ZNF486: variants seen among roughly 807,000 people sequenced by gnomAD.
ZNF486 encodes the protein zinc finger protein 486, also known as KRAB box only protein 2.
Under a neutral mutation model 12.8 loss-of-function variants are expected in ZNF486, and 12 were observed. That is an observed-to-expected ratio of 0.94 (90% CI 0.60 to 1.52). ZNF486 has a LOEUF of 1.52. ZNF486 is among the 40% of genes most tolerant of loss of function. The probability of loss-of-function intolerance (pLI) is 0.00; values close to 1 mark genes in which losing one functional copy is unlikely to be tolerated. For missense variants in ZNF486, 738 were observed against 545.0 expected, an observed-to-expected ratio of 1.35 and a Z score of -3.53; for synonymous variants, 231 against 184.9, an observed-to-expected ratio of 1.25 and a Z score of -2.02.
intron 2 of ZNF486, among the ~76,000 whole-genome samples, chr19:20,185,004 C>T (rs1386161565): frequency 2.6e-5 from 4 of 152,044 alleles, no homozygotes; most frequent in South Asian, 2.1e-4. Context: ...CCAGCTACTC[C>T]GGAGGCTGAG....
chr19:20,175,072 C>A (rs2089690635), intron 1 of ZNF486: 1 of 152,164 alleles, frequency 6.6e-6, no homozygotes, highest in African/African-American at 2.4e-5. Flanking sequence ...CATTCAATGG[C>A]TAGGAGATGA....
In ZNF486 at chr19:20,197,744, C is replaced by G; in HGVS notation, c.1034C>G (p.Thr345Arg). The G allele has an allele frequency of 1.9e-6, 3 of 1,613,442 alleles. No individual in the cohort carries two copies. Among genetic ancestry groups the G allele is most frequent in the Non-Finnish European group, 2.5e-6 (3 of 1,179,850 alleles). Residue 345 changes from threonine to arginine, a missense_variant, in exon 4 of 4, where the codon ACG (threonine) becomes AGG (arginine). By Grantham distance (71) the Thr-to-Arg change is moderately conservative. Transcript: ENST00000335117. Reference protein sequence around the residue: ...SILSKHEKIHTGEKPYKCEEC... With the variant: ...SILSKHEKIHRGEKPYKCEEC... Reference sequence around the variant, plus strand: ...CTTAGTAAACATGAGAAGATTCATACGGGAGAGAAACCCTACAAATGTGAA... The same window carrying G: ...CTTAGTAAACATGAGAAGATTCATAGGGGAGAGAAACCCTACAAATGTGAA...
rs549957994 is a variant in ZNF486, at chr19:20,181,620, G to T, written c.31-2736G>T. On this transcript the variant is annotated intron_variant, in intron 1 of 3. Transcript: ENST00000335117. ...AAATTTTCTGTTAAAGCCAGTGTTT[G>T]CAGAGACATTCTATTTAGCAACTTG... is the stretch of plus-strand genomic sequence containing the variant. 2.0e-5 allele frequency among the ~76,000 whole-genome samples: 3 copies of T among 151,762 alleles called. No individual in the cohort carries two copies. In the East Asian group the frequency reaches 5.8e-4, roughly 29 times the overall value.
intron 1 of ZNF486, among the ~76,000 whole-genome samples, chr19:20,177,728 C>A (rs968774234): frequency 2.0e-5 from 3 of 152,134 alleles, no homozygotes; most frequent in Non-Finnish European, 4.4e-5. Flanking sequence ...GCATGTGCCA[C>A]CATGCCTGGT....
rs149849126 is a variant in ZNF486 at position 20,190,945 on chromosome 19, T to G, written c.253+4863T>G. On this transcript the variant is annotated intron_variant, in intron 3 of 3. Coordinates refer to ENST00000335117, the MANE Select transcript of ZNF486 (RefSeq NM_052852.4). The stretch of plus-strand genomic sequence containing the variant: ...TTCTCATGAACGGCATGGTACATCC[T>G]CTTGGTAACCAAAACTTTACACTCT... Among the ~76,000 whole-genome samples, 395 of 152,354 alleles carry G rather than the reference T, an allele frequency of 2.6e-3. 1 individual carries two copies. The highest frequency in any genetic ancestry group is 4.1e-3 in the Non-Finnish European group (280 of 68,034).
intron 1 of ZNF486, among the ~76,000 whole-genome samples, chr19:20,175,826 C>G (rs1298033736): frequency 1.3e-5 from 2 of 152,334 alleles, no homozygotes; most frequent in African/African-American, 4.8e-5. Context: ...CATCATGGCC[C>G]GTTCTCAATG....
chr19:20,194,765 G>T (rs781999037), intron 3 of ZNF486, among the ~76,000 whole-genome samples: 2 of 151,922 alleles, frequency 1.3e-5, no homozygotes, highest in Non-Finnish European at 2.9e-5. Context: ...ATGAGACTAT[G>T]CTTATAAATG....
At chr19:20,172,076 C>T (rs781793302) in intron 1 of ZNF486, among the ~76,000 whole-genome samples, 1 of 151,952 alleles carries the variant, frequency 6.6e-6, no homozygotes, top group Non-Finnish European at 1.5e-5. Flanking sequence ...GCAACCTCGG[C>T]TCACCACAAC....
At chr19:20,185,501 C>G (rs1407216262) in intron 2 of ZNF486, among the ~76,000 whole-genome samples, 1 of 146,612 alleles carries the variant, frequency 6.8e-6, no homozygotes, top group African/African-American at 2.5e-5. Flanking sequence ...ACCTCTGCCT[C>G]CTGGGTTCAA....
At position 20,200,039 on chromosome 19, in the gene ZNF486, A is replaced by G. The variant is rs2058852790; in HGVS notation, c.*1937A>G. 6.6e-6 allele frequency: 1 copy of G among 151,822 alleles called. No individual in the cohort carries two copies. The highest frequency in any genetic ancestry group is 2.1e-4 in the South Asian group (1 of 4,808). The allele number at this position is 151,822 out of a possible 1,614,324, so 9.4% of individuals were successfully genotyped here. ...GGTTGCAGTGAGCCGAGGTTGCACCATTGTCCAGCCTGGGCAACAGAGCAA... is the reference window on the plus strand; with the variant it reads ...GGTTGCAGTGAGCCGAGGTTGCACCGTTGTCCAGCCTGGGCAACAGAGCAA... On this transcript the variant is annotated 3_prime_UTR_variant, in exon 4 of 4. Coordinates refer to ENST00000335117, the MANE Select transcript of ZNF486 (RefSeq NM_052852.4).
chr19:20,179,350 G>C (rs1718688170), intron 1 of ZNF486, among the ~76,000 whole-genome samples: 1 of 152,190 alleles, frequency 6.6e-6, no homozygotes, highest in South Asian at 2.1e-4. Context: ...TCCCTGTCTT[G>C]TCTTGACATA....
Position 20,197,371 on chromosome 19 carries a change from C to T in ZNF486, c.661C>T (p.Arg221Trp), listed in dbSNP as rs370253749. The T allele has an allele frequency of 8.9e-5, 143 of 1,611,444 alleles. 1 individual carries two copies. The highest frequency in any genetic ancestry group is 6.5e-4 in the Admixed American group (39 of 59,734). Residue 221 changes from arginine (R) to tryptophan (W), a missense_variant, in exon 4 of 4, where the codon CGG (arginine) becomes TGG (tryptophan). Physicochemically the swap from Arg to Trp is moderately radical, Grantham distance 101 (BLOSUM62 -3). Transcript: ENST00000335117. ...KCEECGKAFNRSSHLTTHKIT... is the reference protein window; with the variant it reads ...KCEECGKAFNWSSHLTTHKIT... ...TGAAGAATGTGGCAAAGCCTTCAACCGGTCCTCACACCTTACTACACATAA... is the reference window on the plus strand; with the variant it reads ...TGAAGAATGTGGCAAAGCCTTCAACTGGTCCTCACACCTTACTACACATAA...
intron 3 of ZNF486, among the ~76,000 whole-genome samples, chr19:20,186,719 A>G (rs2089850830): frequency 6.6e-6 from 1 of 151,400 alleles, no homozygotes; most frequent in Non-Finnish European, 1.5e-5. Flanking sequence ...TATTGAATCT[A>G]TAGATCACTC....
intron 3 of ZNF486, among the ~76,000 whole-genome samples, chr19:20,193,540 A>C (rs1315132226): frequency 2.0e-5 from 3 of 152,108 alleles, no homozygotes; most frequent in African/African-American, 7.2e-5. Context: ...AGGTGCCTAT[A>C]ATCCCAGCTC....
chr19:20,186,784 G>GTTTTTTTTTTTTTT lies in ZNF486; in HGVS notation c.253+706_253+719dup, dbSNP rs57907168. On this transcript the variant is annotated intron_variant, in intron 3 of 3. Coordinates refer to ENST00000335117, the MANE Select transcript of ZNF486 (RefSeq NM_052852.4). ...TGGATCTTCTCTAATATTTTCATAGGTTTTTTTTTTTTTTTTTGAGAAGGA... is the reference window on the plus strand; with the variant it reads ...TGGATCTTCTCTAATATTTTCATAGGTTTTTTTTTTTTTTTTTTTTTTTTTTTTTTTGAGAAGGA... Among the ~76,000 whole-genome samples the GTTTTTTTTTTTTTT allele has an allele frequency of 3.4e-4, 42 of 122,458 alleles. 2 individuals are homozygous for GTTTTTTTTTTTTTT. The highest frequency in any genetic ancestry group is 9.4e-4 in the African/African-American group (29 of 30,688). 80.3% of individuals were successfully genotyped at this position (122,458 alleles called of 152,430 possible). A position where few individuals can be genotyped will look rare whatever the true frequency, so the allele number is the denominator to read the frequency against.
chr19:20,172,894 G>A (rs190791548), intron 1 of ZNF486, among the ~76,000 whole-genome samples: 15 of 152,250 alleles, frequency 9.9e-5, no homozygotes, highest in Admixed American at 2.6e-4. Context: ...ACCCGCCTTG[G>A]CCTCCCAAAG....
intron 2 of ZNF486, among the ~76,000 whole-genome samples, chr19:20,185,412 T>TTTTTTG (rs2089831641): frequency 7.3e-6 from 1 of 136,830 alleles, no homozygotes; most frequent in African/African-American, 2.8e-5. Flanking sequence ...ATGTTTTTTT[T>TTTTTTG]TTTTTTTTTT....
At position 20,197,674 on chromosome 19, in the gene ZNF486, T is replaced by A; in HGVS notation, c.964T>A (p.Tyr322Asn). 6.2e-7 allele frequency: 1 copy of A among 1,613,818 alleles called. No individual in the cohort carries two copies. The highest frequency in any genetic ancestry group is 8.5e-7 in the Non-Finnish European group (1 of 1,179,834). ...HKKIHTGEKP[Y>N]TCDKCGKAFI... ...GAAAATTCATACTGGAGAGAAACCG[T>A]ACACGTGTGATAAATGTGGCAAAGC... is the stretch of plus-strand genomic sequence containing the variant. The change falls in exon 4 of 4, where the codon TAC (tyrosine) becomes AAC (asparagine). Residue 322 changes from tyrosine (Y) to asparagine (N), a missense_variant. Tyr to Asn is a moderately radical substitution (Grantham distance 143, BLOSUM62 -2). Coordinates refer to ENST00000335117, the MANE Select transcript of ZNF486 (RefSeq NM_052852.4).
At chr19:20,181,994 C>CATG (rs1358519266) in intron 1 of ZNF486, among the ~76,000 whole-genome samples, 1 of 152,102 alleles carries the variant, frequency 6.6e-6, no homozygotes, top group African/African-American at 2.4e-5. Context: ...TACTTGTGTA[C>CATG]ATGTTGTTTT....
Sources: allele counts gnomAD v4.1 joint callset (sites outside exome capture counted in the v4.1 genomes callset), GRCh38; gene constraint gnomAD v4.1.1; transcripts MANE v1.5; gene names NCBI Gene and HGNC (gene_info 2026-07-23, HGNC 2026-07-21).